The following MYCL variants were observed in gnomAD, a reference collection of about 807,000 sequenced individuals.
MYCL encodes the protein MYCL proto-oncogene, bHLH transcription factor, also known as protein L-Myc.
MYCL carries 11 observed loss-of-function variants against 31.0 expected under a neutral mutation model. That is an observed-to-expected ratio of 0.35 (90% CI 0.22 to 0.59). The LOEUF (loss-of-function observed/expected upper bound fraction) is 0.59, where lower values mean the gene tolerates loss of function less well. Ranked by LOEUF, MYCL falls within the 20% of genes least tolerant of loss-of-function variation. MYCL has a pLI of 0.79. For synonymous variants in MYCL, 208 were observed against 202.4 expected, an observed-to-expected ratio of 1.03 and a Z score of -0.23; for missense variants, 427 against 486.1, an observed-to-expected ratio of 0.88 and a Z score of 1.14.
At position 39,897,393 on chromosome 1, in the gene MYCL, A is replaced by C; in HGVS notation, c.1074T>G (p.Ile358Met). The C allele has an allele frequency of 6.2e-7, 1 of 1,606,014 alleles. No individual in the cohort carries two copies. The highest frequency in any genetic ancestry group is 1.1e-5 in the South Asian group (1 of 90,642). ...RCRQQQLQKRIAYLTGY is the reference protein window; with the variant it reads ...RCRQQQLQKRMAYLTGY ...TCAGTTAGTAGCCAGTGAGGTATGC[A>C]ATTCTTTTCTGCAACTGCTGCTGCC... The change falls in exon 2 of 2, where the codon ATT becomes ATG. Residue 358 changes from isoleucine (I) to methionine (M), a missense_variant. Ile to Met is a conservative substitution (Grantham distance 10). Coordinates refer to ENST00000372816, the MANE Select transcript of MYCL (RefSeq NM_001033081.3). The surrounding 1 kb of genome is among the most constrained non-coding windows in gnomAD (Gnocchi z 4.3).
Position 39,897,788 on chromosome 1 carries a change from C to T in MYCL, c.679G>A (p.Glu227Lys). ...RFPPESCSQE[E>K]ASERGPQEEV... ...TCTTGGGGACCCCTCTCTGAAGCCT[C>T]TTCTTGGGAGCAGCTTTCTGGAGGA... The change falls in exon 2 of 2, where the codon GAG becomes AAG. Residue 227 changes from glutamate to lysine, a missense_variant. Coordinates refer to ENST00000372816, the MANE Select transcript of MYCL (RefSeq NM_001033081.3). The surrounding 1 kb of genome is among the most constrained non-coding windows in gnomAD (Gnocchi z 4.3). 1 of 1,614,176 alleles carries T rather than the reference C, an allele frequency of 6.2e-7. No individual in the cohort carries two copies. Among genetic ancestry groups the T allele is most frequent in the East Asian group, 2.2e-5 (1 of 44,882 alleles).
chr1:39,900,808 G>A, intron 1 of MYCL, 131 bp downstream of exon 1: 2 of 1,468,108 alleles, frequency 1.4e-6, no homozygotes, highest in South Asian at 1.4e-5. Context: ...GACTACACGG[G>A]CAGCTTCAGC....
At position 39,901,818 on chromosome 1, in the gene MYCL, C is replaced by G; in HGVS notation, c.-384G>C. ...CACCCGCAGCCTCACCTCGCTCCAG[C>G]CGCCCGCCACCTGGAGCGGACCGGC... On this transcript the variant is annotated 5_prime_UTR_variant, in exon 1 of 2. Coordinates refer to ENST00000372816, the MANE Select transcript of MYCL (RefSeq NM_001033081.3). This position sits in a 1 kb window ranked among gnomAD's most constrained non-coding sequence, Gnocchi z 6.9. 7.8e-7 allele frequency: 1 copy of G among 1,276,576 alleles called. No individual in the cohort carries two copies. The highest frequency in any genetic ancestry group is 1.0e-6 in the Non-Finnish European group (1 of 1,000,192). The allele number at this position is 1,276,576 out of a possible 1,614,324, so 79.1% of individuals were successfully genotyped here.
chr1:39,901,908 G>A lies in MYCL; in HGVS notation c.-474C>T. 8.8e-7 allele frequency: 1 copy of A among 1,135,850 alleles called. No individual in the cohort carries two copies. Among genetic ancestry groups the A allele is most frequent in the Non-Finnish European group, 1.1e-6 (1 of 925,062 alleles). The allele number at this position is 1,135,850 out of a possible 1,614,324, so 70.4% of individuals were successfully genotyped here. ...GCACATGCGCGCCGCCGAGAGCGCG[G>A]CCCGCACTCACAAGCGCGCCCCCCC... On this transcript the variant is annotated 5_prime_UTR_variant, in exon 1 of 2. Coordinates refer to ENST00000372816, the MANE Select transcript of MYCL (RefSeq NM_001033081.3). This position sits in a 1 kb window ranked among gnomAD's most constrained non-coding sequence, Gnocchi z 6.9.
Position 39,901,055 on chromosome 1 carries a change from G to A in MYCL, c.380C>T (p.Ala127Val), listed in dbSNP as rs751842387. 13 of 1,549,194 alleles carry A rather than the reference G, an allele frequency of 8.4e-6. No individual in the cohort carries two copies. Among genetic ancestry groups the A allele is most frequent in the East Asian group, 2.4e-5 (1 of 41,894 alleles). Reference sequence around the variant, plus strand: ...GAGGCTGGGAGTGCAGTCCGGGGCGGCGGACGCCTTGGGCGGGTTCCCCCG... The same window carrying A: ...GAGGCTGGGAGTGCAGTCCGGGGCGACGGACGCCTTGGGCGGGTTCCCCCG... ...APRGNPPKAS[A>V]APDCTPSLEA... is the part of the protein sequence containing the mutation. The change falls in exon 1 of 2, where the codon GCC becomes GTC. Residue 127 changes from alanine to valine, a missense_variant. Physicochemically the swap from Ala to Val is moderately conservative, Grantham distance 64. Transcript: ENST00000372816. The surrounding 1 kb of genome is among the most constrained non-coding windows in gnomAD (Gnocchi z 6.9).
intron 1 of MYCL, chr1:39,900,372 G>T: frequency 1.0e-6 from 1 of 986,434 alleles, no homozygotes; most frequent in African/African-American, 1.7e-5. Context: ...ATCTGTTAAT[G>T]GGGAGTGTTC....
chr1:39,901,916 T>G lies in MYCL; in HGVS notation c.-482A>C, dbSNP rs1386726394. ...GCGCCGCCGAGAGCGCGGCCCGCAC[T>G]CACAAGCGCGCCCCCCCCGCGCGCG... On this transcript the variant is annotated 5_prime_UTR_variant, in exon 1 of 2. Coordinates refer to ENST00000372816, the MANE Select transcript of MYCL (RefSeq NM_001033081.3). The surrounding 1 kb of genome is among the most constrained non-coding windows in gnomAD (Gnocchi z 6.9). 1 of 1,080,778 alleles carries G rather than the reference T, an allele frequency of 9.3e-7. No individual in the cohort carries two copies. The highest frequency in any genetic ancestry group is 1.1e-6 in the Non-Finnish European group (1 of 879,008). The allele number at this position is 1,080,778 out of a possible 1,614,324, so 66.9% of individuals were successfully genotyped here. A position where few individuals can be genotyped will look rare whatever the true frequency, so the allele number is the denominator to read the frequency against.
chr1:39,901,162 G>A lies in MYCL; in HGVS notation c.273C>T (p.Arg91=), dbSNP rs766454919. The A allele has an allele frequency of 2.5e-6, 4 of 1,613,016 alleles. No individual in the cohort carries two copies. The African/African-American group carries it at 5.3e-5, about 21-fold the overall frequency. The part of the protein sequence containing the change: ...GWGRNYASII[R]RDCMWSGFSA... ...AGAAGCCGCTCCACATGCAGTCACG[G>A]CGTATGATGGAGGCGTAGTTCCTGC... Residue 91 remains arginine (R), a synonymous_variant, in exon 1 of 2, where the codon CGC becomes CGT. Transcript: ENST00000372816. This position sits in a 1 kb window ranked among gnomAD's most constrained non-coding sequence, Gnocchi z 6.9.
chr1:39,901,807 C>A lies in MYCL; in HGVS notation c.-373G>T. ...CGTGCCCTGGCCACCCGCAGCCTCA[C>A]CTCGCTCCAGCCGCCCGCCACCTGG... On this transcript the variant is annotated 5_prime_UTR_variant, in exon 1 of 2. Transcript: ENST00000372816. The surrounding 1 kb of genome is among the most constrained non-coding windows in gnomAD (Gnocchi z 6.9). 7.8e-7 allele frequency: 1 copy of A among 1,278,454 alleles called. No individual in the cohort carries two copies. Among genetic ancestry groups the A allele is most frequent in the Non-Finnish European group, 1.0e-6 (1 of 1,001,380 alleles). 79.2% of individuals were successfully genotyped at this position (1,278,454 alleles called of 1,614,324 possible).
Position 39,897,515 on chromosome 1 carries a change from G to T in MYCL, c.952C>A (p.Pro318Thr). The T allele has an allele frequency of 4.3e-6, 7 of 1,614,182 alleles. No individual in the cohort carries two copies. The highest frequency in any genetic ancestry group is 5.9e-6 in the Non-Finnish European group (7 of 1,180,036). ...GCCTTGCTTAGGATCACTACTTTGG[G>T]GGCCTTGGAGCAGCTGGCCAGGGTG... The part of the protein sequence containing the change: ...VPTLASCSKA[P>T]KVVILSKALE... Residue 318 changes from proline (P) to threonine (T), a missense_variant, in exon 2 of 2, where the codon CCC becomes ACC. Transcript: ENST00000372816. The surrounding 1 kb of genome is among the most constrained non-coding windows in gnomAD (Gnocchi z 4.3).
rs1045166347 is a variant in MYCL, at chr1:39,896,586, T to C, written c.*786A>G. 4.8e-6 allele frequency: 1 copy of C among 209,238 alleles called. No homozygotes were observed. The highest frequency in any genetic ancestry group is 9.8e-6 in the Non-Finnish European group (1 of 102,494). 13.0% of individuals were successfully genotyped at this position (209,238 alleles called of 1,614,324 possible). On this transcript the variant is annotated 3_prime_UTR_variant, in exon 2 of 2. Transcript: ENST00000372816. Reference sequence around the variant, plus strand: ...GTGTCTTGGGGAAATATTTCTGACCTGTGGGAAAGGGTGCTGTAGAGCCCA... The same window carrying C: ...GTGTCTTGGGGAAATATTTCTGACCCGTGGGAAAGGGTGCTGTAGAGCCCA...
At chr1:39,900,813 T>A (rs746727911) in intron 1 of MYCL, 126 bp downstream of exon 1, 24 of 1,474,850 alleles carry the variant, frequency 1.6e-5, no homozygotes, top group Non-Finnish European at 2.1e-5. Flanking sequence ...CACGGGCAGC[T>A]TCAGCCAAAG....
Position 39,901,490 on chromosome 1 carries a change from AAGG to A in MYCL, c.-59_-57del, listed in dbSNP as rs1244927727. The A allele has an allele frequency of 1.3e-6, 2 of 1,583,852 alleles. No homozygotes were observed. Among genetic ancestry groups the A allele is most frequent in the South Asian group, 2.3e-5 (2 of 87,992 alleles). ...GTGCTGACCGGGTGCCGGCCGGGCG[AAGG>A]AGGTGTCCCCGGGTCCCTCGGCACA... On this transcript the variant is annotated 5_prime_UTR_variant, in exon 1 of 2. Coordinates refer to ENST00000372816, the MANE Select transcript of MYCL (RefSeq NM_001033081.3). The surrounding 1 kb of genome is among the most constrained non-coding windows in gnomAD (Gnocchi z 6.9).
At position 39,901,502 on chromosome 1, in the gene MYCL, C is replaced by T. The variant is rs1644539987; in HGVS notation, c.-68G>A. ...TGCCGGCCGGGCGAAGGAGGTGTCC[C>T]CGGGTCCCTCGGCACAGTCGGCTGC... On this transcript the variant is annotated 5_prime_UTR_variant, in exon 1 of 2. Coordinates refer to ENST00000372816, the MANE Select transcript of MYCL (RefSeq NM_001033081.3). This position sits in a 1 kb window ranked among gnomAD's most constrained non-coding sequence, Gnocchi z 6.9. 1 of 1,567,882 alleles carries T rather than the reference C, an allele frequency of 6.4e-7. No individual in the cohort carries two copies. Among genetic ancestry groups the T allele is most frequent in the South Asian group, 1.2e-5 (1 of 84,924 alleles).
chr1:39,899,964 G>T (rs929820273), intron 1 of MYCL: 1 of 985,440 alleles, frequency 1.0e-6, no homozygotes, highest in Non-Finnish European at 1.2e-6. Context: ...GCCAGAATAA[G>T]AACAATGTAG....
chr1:39,897,469 A>G lies in MYCL; in HGVS notation c.998T>C (p.Leu333Pro). Residue 333 changes from leucine to proline, a missense_variant, in exon 2 of 2, where the codon CTG becomes CCG. Leu to Pro is a moderately conservative substitution (Grantham distance 98). Coordinates refer to ENST00000372816, the MANE Select transcript of MYCL (RefSeq NM_001033081.3). This position sits in a 1 kb window ranked among gnomAD's most constrained non-coding sequence, Gnocchi z 4.3. ...AGCCATCCTCTTCTCAGCCCCCACCAGGGCTTGCAAGTATTCCAAGGCCTT... is the reference window on the plus strand; with the variant it reads ...AGCCATCCTCTTCTCAGCCCCCACCGGGGCTTGCAAGTATTCCAAGGCCTT... ...LSKALEYLQA[L>P]VGAEKRMATE... 6.2e-7 allele frequency: 1 copy of G among 1,614,178 alleles called. No individual in the cohort carries two copies. The highest frequency in any genetic ancestry group is 2.2e-5 in the East Asian group (1 of 44,888).
At position 39,897,595 on chromosome 1, in the gene MYCL, C is replaced by A. The variant is rs748297163; in HGVS notation, c.872G>T (p.Arg291Leu). The change falls in exon 2 of 2, where the codon CGC (arginine) becomes CTC (leucine). Residue 291 changes from arginine to leucine, a missense_variant. By Grantham distance (102) the Arg-to-Leu change is moderately radical. Transcript: ENST00000372816. This position sits in a 1 kb window ranked among gnomAD's most constrained non-coding sequence, Gnocchi z 4.3. Reference protein sequence around the residue: ...TKRKNHNFLERKRRNDLRSRF... With the variant: ...TKRKNHNFLELKRRNDLRSRF... ...CGAACGCAGGTCATTCCGCCTCTTG[C>A]GCTCCAGGAAGTTGTGATTCTTCCT... 3 of 1,614,222 alleles carry A rather than the reference C, an allele frequency of 1.9e-6. No individual in the cohort carries two copies. Among genetic ancestry groups the A allele is most frequent in the East Asian group, 2.2e-5 (1 of 44,888 alleles).
chr1:39,901,861 C>A lies in MYCL; in HGVS notation c.-427G>T, dbSNP rs773112403. Reference sequence around the variant, plus strand: ...GGACCGGCTCCCCGCCGGCTCGGGGCAGCCCGGCAGCCAGCACACACGCAC... The same window carrying A: ...GGACCGGCTCCCCGCCGGCTCGGGGAAGCCCGGCAGCCAGCACACACGCAC... On this transcript the variant is annotated 5_prime_UTR_variant, in exon 1 of 2. Transcript: ENST00000372816. This position sits in a 1 kb window ranked among gnomAD's most constrained non-coding sequence, Gnocchi z 6.9. 2.2e-3 allele frequency: 2,645 copies of A among 1,226,910 alleles called. 6 individuals are homozygous for A. The highest frequency in any genetic ancestry group is 2.5e-3 in the Admixed American group (61 of 24,842). 76.0% of individuals were successfully genotyped at this position (1,226,910 alleles called of 1,614,324 possible).
chr1:39,901,850 C>T lies in MYCL; in HGVS notation c.-416G>A. On this transcript the variant is annotated 5_prime_UTR_variant, in exon 1 of 2. Coordinates refer to ENST00000372816, the MANE Select transcript of MYCL (RefSeq NM_001033081.3). This position sits in a 1 kb window ranked among gnomAD's most constrained non-coding sequence, Gnocchi z 6.9. ...CCACCTGGAGCGGACCGGCTCCCCG[C>T]CGGCTCGGGGCAGCCCGGCAGCCAG... 1.6e-6 allele frequency: 2 copies of T among 1,254,238 alleles called. No homozygotes were observed. Among genetic ancestry groups the T allele is most frequent in the East Asian group, 3.9e-5 (1 of 25,768 alleles). 77.7% of individuals were successfully genotyped at this position (1,254,238 alleles called of 1,614,324 possible).
Sources: gnomAD v4.1 joint callset for allele counts on GRCh38, gnomAD v4.1.1 for gene constraint, Gnocchi (gnomAD v3.1) non-coding constraint, MANE v1.5 for transcripts, NCBI Gene and HGNC (gene_info 2026-07-23, HGNC 2026-07-21) for gene names.